Variants in CCDC102B observed in about 807,000 individuals in gnomAD.
CCDC102B encodes the protein coiled-coil domain containing 102B.
CCDC102B carries 75 observed loss-of-function variants against 57.4 expected under a neutral mutation model. The ratio of observed to expected loss-of-function variants is 1.31; its 90% CI spans 1.08 to 1.58. The LOEUF (loss-of-function observed/expected upper bound fraction) is 1.58. Among genes scored for constraint, CCDC102B ranks in the 40% most tolerant of loss-of-function variants. The pLI is 0.00. For missense variants in CCDC102B, 636 were observed against 582.6 expected, an observed-to-expected ratio of 1.09 and a Z score of -0.94; for synonymous variants, 206 against 201.9, an observed-to-expected ratio of 1.02 and a Z score of -0.17.
At chr18:68,778,845 A>T (rs928823441) in intron 2 of CCDC102B, among the ~76,000 whole-genome samples, 17 of 147,912 alleles carry the variant, frequency 1.1e-4, no homozygotes, top group African/African-American at 4.2e-4. Flanking sequence ...AGTGATTTCT[A>T]GTTATAATCT....
chr18:68,807,738 A>C (rs975636852), intron 1 of CCDC102B, among the ~76,000 whole-genome samples: 1 of 152,204 alleles, frequency 6.6e-6, no homozygotes, highest in Non-Finnish European at 1.5e-5. Context: ...AAATGAAAGG[A>C]AACAAATGAA....
intron 6 of CCDC102B, among the ~76,000 whole-genome samples, chr18:68,957,501 T>C (rs1387738273): frequency 1.8e-4 from 28 of 152,016 alleles, no homozygotes; most frequent in Admixed American, 1.8e-3. Flanking sequence ...TACTGTAGTA[T>C]TTTAGTTACT....
At chr18:68,869,242 G>T (rs571120514) in intron 4 of CCDC102B, among the ~76,000 whole-genome samples, 4 of 152,262 alleles carry the variant, frequency 2.6e-5, no homozygotes, top group Admixed American at 2.6e-4. Flanking sequence ...GACAGTAGAT[G>T]GGATGACTCT....
At chr18:68,803,412 C>T (rs997961513) in intron 1 of CCDC102B, among the ~76,000 whole-genome samples, 2 of 152,060 alleles carry the variant, frequency 1.3e-5, no homozygotes, top group Non-Finnish European at 2.9e-5. Context: ...AAAAAAAGAA[C>T]ATTCAGGCTA....
At chr18:68,758,743 G>A (rs1301078462) in intron 2 of CCDC102B, among the ~76,000 whole-genome samples, 1 of 151,356 alleles carries the variant, frequency 6.6e-6, no homozygotes, top group Non-Finnish European at 1.5e-5. Flanking sequence ...TTCTTGCTGG[G>A]ACCTGGGAAG....
At chr18:68,920,042 T>G (rs1179022913) in intron 6 of CCDC102B, among the ~76,000 whole-genome samples, 1 of 152,184 alleles carries the variant, frequency 6.6e-6, no homozygotes, top group Non-Finnish European at 1.5e-5. Context: ...GGGGATTTGT[T>G]GTCCAGGATA....
At chr18:68,926,969 C>T (rs541377697) in intron 6 of CCDC102B, among the ~76,000 whole-genome samples, 11 of 152,004 alleles carry the variant, frequency 7.2e-5, no homozygotes, top group African/African-American at 2.7e-4. Context: ...TAGATTTTTA[C>T]AAGTCAGATA....
At chr18:68,965,614 TTA>T (rs752795587) in intron 6 of CCDC102B, among the ~76,000 whole-genome samples, 2 of 150,624 alleles carry the variant, frequency 1.3e-5, no homozygotes, top group East Asian at 1.9e-4. Flanking sequence ...GTATAAAAAA[TTA>T]TATATATATA....
intron 3 of CCDC102B, among the ~76,000 whole-genome samples, chr18:68,845,544 CA>C (rs1156826609): frequency 2.0e-5 from 3 of 151,780 alleles, no homozygotes; most frequent in Non-Finnish European, 4.4e-5. Flanking sequence ...GGAGGAATAT[CA>C]ATGAGTATTT....
chr18:69,021,035 AG>A (rs2051819331), intron 7 of CCDC102B, among the ~76,000 whole-genome samples: 1 of 152,224 alleles, frequency 6.6e-6, no homozygotes, highest in Non-Finnish European at 1.5e-5. Flanking sequence ...ATCACCTTAC[AG>A]TTACAGCTTA....
At chr18:68,772,629 C>A (rs780816396) in intron 2 of CCDC102B, among the ~76,000 whole-genome samples, 1 of 151,968 alleles carries the variant, frequency 6.6e-6, no homozygotes, top group African/African-American at 2.4e-5. Context: ...TTTGTTATTC[C>A]TTGATAGATG....
chr18:68,844,058 T>A (rs1419655929), intron 3 of CCDC102B, among the ~76,000 whole-genome samples: 1 of 151,986 alleles, frequency 6.6e-6, no homozygotes, highest in African/African-American at 2.4e-5. Flanking sequence ...GGTAACCTTT[T>A]ACATAATAAA....
chr18:69,006,950 A>G (rs185333472), intron 6 of CCDC102B, among the ~76,000 whole-genome samples: 1 of 152,332 alleles, frequency 6.6e-6, no homozygotes, highest in East Asian at 1.9e-4. Flanking sequence ...AGCAATTTGC[A>G]TAGCTCTCTG....
chr18:68,969,832 C>G (rs2050257812), intron 6 of CCDC102B, among the ~76,000 whole-genome samples: 1 of 151,384 alleles, frequency 6.6e-6, no homozygotes, highest in Non-Finnish European at 1.5e-5. Context: ...TGTTTTTAAC[C>G]AATAATTTCA....
chr18:69,025,136 A>G (rs2051948930), intron 7 of CCDC102B, among the ~76,000 whole-genome samples: 1 of 152,174 alleles, frequency 6.6e-6, no homozygotes, highest in South Asian at 2.1e-4. Context: ...GTCATGACCT[A>G]TAAAAAAATT....
Position 68,731,728 on chromosome 18 carries a change from TCTC to T in CCDC102B, c.-67+15137_-67+15139del, listed in dbSNP as rs1282161437. Among the ~76,000 whole-genome samples, 17 of 149,918 alleles carry T rather than the reference TCTC, an allele frequency of 1.1e-4. No individual in the cohort carries two copies. In the South Asian group the frequency reaches 1.3e-3, roughly 11 times the overall value. On this transcript the variant is annotated intron_variant, in intron 2 of 3. Transcript: ENST00000578970. Reference sequence around the variant, plus strand: ...ATATAATATAATATATGTTATATGATCTCCTATACAATAATGCTCATTCAGTTA... The same window carrying T: ...ATATAATATAATATATGTTATATGATCTATACAATAATGCTCATTCAGTTA...
intron 6 of CCDC102B, among the ~76,000 whole-genome samples, chr18:68,922,498 T>C (rs906063543): frequency 1.3e-5 from 2 of 152,202 alleles, no homozygotes; most frequent in Non-Finnish European, 2.9e-5. Context: ...AGCACTTGAA[T>C]TTTTATCAGT....
chr18:68,786,828 C>G (rs1303434159), intron 2 of CCDC102B, among the ~76,000 whole-genome samples: 1 of 151,618 alleles, frequency 6.6e-6, no homozygotes, highest in East Asian at 1.9e-4. Context: ...TTTCCTTCTC[C>G]TGCCTAATTG....
chr18:68,886,456 C>A (rs927703955), intron 5 of CCDC102B, among the ~76,000 whole-genome samples: 41 of 151,928 alleles, frequency 2.7e-4, no homozygotes, highest in Non-Finnish European at 3.2e-4. Context: ...AAAAAGTGAT[C>A]TTGAACCCAT....
Sources: gnomAD v4.1 joint callset for allele counts (sites outside exome capture counted in the v4.1 genomes callset) on GRCh38, gnomAD v4.1.1 for gene constraint, MANE v1.5 for transcripts, NCBI Gene and HGNC (gene_info 2026-07-23, HGNC 2026-07-21) for gene names.